KLF18: variants seen among roughly 807,000 people sequenced by gnomAD.
KLF18 encodes Kruppel-like factor 18.
rs1643234456 is a variant in KLF18, at chr1:44,140,983, G to A, written c.649C>T (p.Leu217=). Residue 217 remains leucine, a synonymous_variant, in exon 1 of 2, where the codon CTA becomes TTA. Coordinates refer to ENST00000634670, the MANE Select transcript of KLF18 (RefSeq NM_001358438.1). ...TLSGGQMTTS[L]DLYGGQMMTS... ...ATCATTTGCCCTCCATAGAGGTCTAGACTGGTTGTCATTTGGCCCCCAGAG... is the reference window on the plus strand; with the variant it reads ...ATCATTTGCCCTCCATAGAGGTCTAAACTGGTTGTCATTTGGCCCCCAGAG... 1 of 398,796 alleles carries A rather than the reference G, an allele frequency of 2.5e-6. No individual in the cohort carries two copies. Among genetic ancestry groups the A allele is most frequent in the Non-Finnish European group, 4.4e-6 (1 of 226,226 alleles). 24.7% of individuals were successfully genotyped at this position (398,796 alleles called of 1,614,324 possible). A position where few individuals can be genotyped will look rare whatever the true frequency, so the allele number is the denominator to read the frequency against.
chr1:44,140,284 T>C lies in KLF18; in HGVS notation c.1348A>G (p.Thr450Ala). The C allele has an allele frequency of 2.8e-6, 1 of 352,926 alleles. No homozygotes were observed. Among genetic ancestry groups the C allele is most frequent in the Non-Finnish European group, 4.9e-6 (1 of 202,596 alleles). 21.9% of individuals were successfully genotyped at this position (352,926 alleles called of 1,614,324 possible). Residue 450 changes from threonine (T) to alanine (A), a missense_variant, in exon 1 of 2, where the codon ACC becomes GCC. Physicochemically the swap from Thr to Ala is moderately conservative, Grantham distance 58. Coordinates refer to ENST00000634670, the MANE Select transcript of KLF18 (RefSeq NM_001358438.1). Reference sequence around the variant, plus strand: ...CAGAGGGTCTGGTTACTAGTGGAGGTCATCACTTGCTCTCCACAGAGGTTC... The same window carrying C: ...CAGAGGGTCTGGTTACTAGTGGAGGCCATCACTTGCTCTCCACAGAGGTTC... ...NQNLCGEQVM[T>A]STSNQTLCGE...
Position 44,140,531 on chromosome 1 carries a change from G to A in KLF18, c.1101C>T (p.Ser367=). ...QNLCGEQVMT[S]TGNQALCGGQ... ...CTCCACAGAGGGCTTGGTTACCAGTGGAGGTCATCACTTGCTCTCCACAGA... is the reference window on the plus strand; with the variant it reads ...CTCCACAGAGGGCTTGGTTACCAGTAGAGGTCATCACTTGCTCTCCACAGA... The change falls in exon 1 of 2, where the codon TCC becomes TCT. Residue 367 remains serine, a synonymous_variant. Coordinates refer to ENST00000634670, the MANE Select transcript of KLF18 (RefSeq NM_001358438.1). 1 of 337,652 alleles carries A rather than the reference G, an allele frequency of 3.0e-6. No homozygotes were observed. Among genetic ancestry groups the A allele is most frequent in the Non-Finnish European group, 5.0e-6 (1 of 200,698 alleles). The allele number at this position is 337,652 out of a possible 1,614,324, so 20.9% of individuals were successfully genotyped here.
rs1309574525 is a variant in KLF18, at chr1:44,140,018, G to A, written c.1614C>T (p.Asn538=). The stretch of plus-strand genomic sequence containing the variant: ...TCATCTGCTCTCCACAGAGGGTCTG[G>A]TTACTAGTAGAGGTTGTCATCTGCC... ...YGGQMTTSTS[N]QTLCGEQMTT... is the part of the protein sequence containing the mutation. Residue 538 remains asparagine, a synonymous_variant, in exon 1 of 2, where the codon AAC becomes AAT. Coordinates refer to ENST00000634670, the MANE Select transcript of KLF18 (RefSeq NM_001358438.1). The A allele has an allele frequency of 1.5e-5, 6 of 390,718 alleles. No homozygotes were observed. The highest frequency in any genetic ancestry group is 2.7e-5 in the Non-Finnish European group (6 of 222,524). The allele number at this position is 390,718 out of a possible 1,614,324, so 24.2% of individuals were successfully genotyped here. A position where few individuals can be genotyped will look rare whatever the true frequency, so the allele number is the denominator to read the frequency against.
At position 44,140,317 on chromosome 1, in the gene KLF18, C is replaced by T. The variant is rs77021000; in HGVS notation, c.1315G>A (p.Gly439Ser). The T allele has an allele frequency of 9.3e-5, 25 of 268,434 alleles. No homozygotes were observed. Among genetic ancestry groups the T allele is most frequent in the Middle Eastern group, 9.1e-4 (1 of 1,100 alleles). 16.6% of individuals were successfully genotyped at this position (268,434 alleles called of 1,614,324 possible). A position where few individuals can be genotyped will look rare whatever the true frequency, so the allele number is the denominator to read the frequency against. The change falls in exon 1 of 2, where the codon GGT becomes AGT. Residue 439 changes from glycine to serine, a missense_variant. By Grantham distance (56) the Gly-to-Ser change is moderately conservative (BLOSUM62 0). Coordinates refer to ENST00000634670, the MANE Select transcript of KLF18 (RefSeq NM_001358438.1). ...TGCTCTCCACAGAGGTTCTGGTTAC[C>T]AGTGGAGGTCGTCATCTGCCCTCCA... ...LCGGQMTTSTGNQNLCGEQVM... is the reference protein window; with the variant it reads ...LCGGQMTTSTSNQNLCGEQVM...
In KLF18 at chr1:44,140,760, C is replaced by T. The variant is rs943256304; in HGVS notation, c.872G>A (p.Gly291Glu). 2.5e-6 allele frequency: 1 copy of T among 398,692 alleles called. No homozygotes were observed. The highest frequency in any genetic ancestry group is 2.1e-5 in the African/African-American group (1 of 48,646). 24.7% of individuals were successfully genotyped at this position (398,692 alleles called of 1,614,324 possible). ...ACTAGTGGAGGTTGTCATCTGCTCT[C>T]CACAGAGGGTCTGGTTACTAGCGGA... is the stretch of plus-strand genomic sequence containing the variant. ...TTSASNQTLC[G>E]EQMTTSTSNQ... is the part of the protein sequence containing the mutation. Residue 291 changes from glycine to glutamate, a missense_variant, in exon 1 of 2, where the codon GGA becomes GAA. Coordinates refer to ENST00000634670, the MANE Select transcript of KLF18 (RefSeq NM_001358438.1).
chr1:44,139,774 T>G lies in KLF18; in HGVS notation c.1858A>C (p.Thr620Pro). The change falls in exon 1 of 2, where the codon ACT (threonine) becomes CCT (proline). Residue 620 changes from threonine (T) to proline (P), a missense_variant. Physicochemically the swap from Thr to Pro is conservative, Grantham distance 38. Transcript: ENST00000634670. ...ALYGGQMMTS[T>P]GNQALYGGQM... ...CCCCCGTAGAGGGCCTGGTTACCAG[T>G]GGAGGTCATCATCTGCCCCCCATAG... 1 of 391,062 alleles carries G rather than the reference T, an allele frequency of 2.6e-6. No homozygotes were observed. Among genetic ancestry groups the G allele is most frequent in the Non-Finnish European group, 4.5e-6 (1 of 222,820 alleles). 24.2% of individuals were successfully genotyped at this position (391,062 alleles called of 1,614,324 possible). A position where few individuals can be genotyped will look rare whatever the true frequency, so the allele number is the denominator to read the frequency against.
chr1:44,139,120 C>T lies in KLF18; in HGVS notation c.2512G>A (p.Glu838Lys), dbSNP rs530061137. The part of the protein sequence containing the change: ...TSTSNQTLCG[E>K]QVTTSTGNQA... ...TTACCAGTGGAGGTCGTCACCTGCT[C>T]CCCACAGAGGGTCTGGTTACTAGTG... The change falls in exon 1 of 2, where the codon GAG becomes AAG. Residue 838 changes from glutamate (E) to lysine (K), a missense_variant. Coordinates refer to ENST00000634670, the MANE Select transcript of KLF18 (RefSeq NM_001358438.1). The T allele has an allele frequency of 2.5e-6, 1 of 394,482 alleles. No homozygotes were observed. Among genetic ancestry groups the T allele is most frequent in the South Asian group, 1.3e-4 (1 of 7,634 alleles). The allele number at this position is 394,482 out of a possible 1,614,324, so 24.4% of individuals were successfully genotyped here. A position where few individuals can be genotyped will look rare whatever the true frequency, so the allele number is the denominator to read the frequency against.
chr1:44,139,507 G>A lies in KLF18; in HGVS notation c.2125C>T (p.Leu709Phe), dbSNP rs936360666. 5.2e-6 allele frequency: 2 copies of A among 388,242 alleles called. No individual in the cohort carries two copies. The highest frequency in any genetic ancestry group is 9.0e-6 in the Non-Finnish European group (2 of 221,270). The allele number at this position is 388,242 out of a possible 1,614,324, so 24.0% of individuals were successfully genotyped here. Residue 709 changes from leucine to phenylalanine, a missense_variant, in exon 1 of 2, where the codon CTC becomes TTC. Physicochemically the swap from Leu to Phe is conservative, Grantham distance 22. Transcript: ENST00000634670. ...GAGGTCGTCACCTGCTCCCCACAGA[G>A]GGTCTGGTTACTAGTGGAGGTCGTC... ...QTTTSTSNQT[L>F]CGEQVTTSTG...
rs1251221121 is a variant in KLF18, at chr1:44,138,907, C to T, written c.2725G>A (p.Asp909Asn). ...TATCCCCCATAAAGGCTGTGGTCATCAGTGAGCGTTGTCATATTGCCCACC... is the reference window on the plus strand; with the variant it reads ...TATCCCCCATAAAGGCTGTGGTCATTAGTGAGCGTTGTCATATTGCCCACC... The part of the protein sequence containing the change: ...LQVGNMTTLT[D>N]DHSLYGGYMM... Residue 909 changes from aspartate (D) to asparagine (N), a missense_variant, in exon 1 of 2, where the codon GAT becomes AAT. Physicochemically the swap from Asp to Asn is conservative, Grantham distance 23 (BLOSUM62 1). Transcript: ENST00000634670. 1.3e-5 allele frequency: 5 copies of T among 398,568 alleles called. No individual in the cohort carries two copies. The highest frequency in any genetic ancestry group is 1.8e-5 in the Non-Finnish European group (4 of 226,118). The allele number at this position is 398,568 out of a possible 1,614,324, so 24.7% of individuals were successfully genotyped here.
chr1:44,138,471 A>G (rs1643188871), intron 1 of KLF18, among the ~76,000 whole-genome samples, 193 bp downstream of exon 1: 1 of 140,050 alleles, frequency 7.1e-6, no homozygotes, highest in African/African-American at 2.5e-5. Context: ...GTCCAGGACT[A>G]GAGCCTGTCC....
Position 44,140,973 on chromosome 1 carries a change from T to C in KLF18, c.659A>G (p.Tyr220Cys), listed in dbSNP as rs539400489. The change falls in exon 1 of 2, where the codon TAT becomes TGT. Residue 220 changes from tyrosine to cysteine, a missense_variant. Physicochemically the swap from Tyr to Cys is radical, Grantham distance 194 (BLOSUM62 -2). Transcript: ENST00000634670. ...AATGGAAGTCATCATTTGCCCTCCATAGAGGTCTAGACTGGTTGTCATTTG... is the reference window on the plus strand; with the variant it reads ...AATGGAAGTCATCATTTGCCCTCCACAGAGGTCTAGACTGGTTGTCATTTG... ...GGQMTTSLDL[Y>C]GGQMMTSIDN... The C allele has an allele frequency of 1.8e-5, 7 of 398,700 alleles. No homozygotes were observed. The highest frequency in any genetic ancestry group is 1.2e-4 in the African/African-American group (6 of 48,722). The allele number at this position is 398,700 out of a possible 1,614,324, so 24.7% of individuals were successfully genotyped here.
chr1:44,138,926 G>A lies in KLF18; in HGVS notation c.2706C>T (p.Gly902=), dbSNP rs1643197213. 1 of 398,552 alleles carries A rather than the reference G, an allele frequency of 2.5e-6. No homozygotes were observed. Among genetic ancestry groups the A allele is most frequent in the South Asian group, 1.3e-4 (1 of 7,858 alleles). 24.7% of individuals were successfully genotyped at this position (398,552 alleles called of 1,614,324 possible). The part of the protein sequence containing the change: ...YGDQMLTLQV[G]NMTTLTDDHS... ...GGTCATCAGTGAGCGTTGTCATATT[G>A]CCCACCTGAAGAGTCAGCATCTGGT... Residue 902 remains glycine, a synonymous_variant, in exon 1 of 2, where the codon GGC becomes GGT. Coordinates refer to ENST00000634670, the MANE Select transcript of KLF18 (RefSeq NM_001358438.1).
chr1:44,138,109 G>A (rs541065711), intron 1 of KLF18, 98 bp from the exon 2 acceptor site: 32 of 397,732 alleles, frequency 8.0e-5, no homozygotes, highest in South Asian at 7.0e-4. Context: ...ACAAGTTGGA[G>A]TGGGAGAGGG....
rs991748710 is a variant in KLF18, at chr1:44,141,101, A to G, written c.531T>C (p.Asp177=). The change falls in exon 1 of 2, where the codon GAT becomes GAC. Residue 177 remains aspartate, a synonymous_variant. Transcript: ENST00000634670. ...CCTGGTCCCCACAGAGAGTCTGGTT[A>G]TCACTGAGGGTCTTCATCTGATCTC... The part of the protein sequence containing the change: ...LLGDQMKTLS[D]NQTLCGDQVT... 5.0e-6 allele frequency: 2 copies of G among 398,418 alleles called. No homozygotes were observed. Among genetic ancestry groups the G allele is most frequent in the Admixed American group, 4.4e-5 (1 of 22,700 alleles). 24.7% of individuals were successfully genotyped at this position (398,418 alleles called of 1,614,324 possible).
Position 44,140,600 on chromosome 1 carries a change from G to T in KLF18, c.1032C>A (p.Thr344=). The change falls in exon 1 of 2, where the codon ACC becomes ACA. Residue 344 remains threonine (T), a synonymous_variant. Coordinates refer to ENST00000634670, the MANE Select transcript of KLF18 (RefSeq NM_001358438.1). ...GQMMTSTGNQ[T]LYWGQMMTST... is the part of the protein sequence containing the mutation. ...AGGTCATCATCTGCCCCCAGTAGAG[G>T]GTCTGGTTACCAGTGGAGGTCATCA... The T allele has an allele frequency of 3.2e-6, 1 of 316,072 alleles. No individual in the cohort carries two copies. The highest frequency in any genetic ancestry group is 5.2e-6 in the Non-Finnish European group (1 of 190,658). The allele number at this position is 316,072 out of a possible 1,614,324, so 19.6% of individuals were successfully genotyped here. A position where few individuals can be genotyped will look rare whatever the true frequency, so the allele number is the denominator to read the frequency against.
Position 44,140,890 on chromosome 1 carries a change from A to G in KLF18, c.742T>C (p.Tyr248His), listed in dbSNP as rs1643233749. The change falls in exon 1 of 2, where the codon TAC becomes CAC. Residue 248 changes from tyrosine (Y) to histidine (H), a missense_variant. Physicochemically the swap from Tyr to His is moderately conservative, Grantham distance 83 (BLOSUM62 2). Transcript: ENST00000634670. ...GTGGAGGTCGTCATCTGTCTCCCGT[A>G]GAAGGCCTGGTTACCACTGGAGGTC... Reference protein sequence around the residue: ...MTTSSGNQAFYGRQMTTSTGN... With the variant: ...MTTSSGNQAFHGRQMTTSTGN... The G allele has an allele frequency of 2.6e-6, 1 of 382,894 alleles. No individual in the cohort carries two copies. The highest frequency in any genetic ancestry group is 5.0e-5 in the Admixed American group (1 of 20,050). 23.7% of individuals were successfully genotyped at this position (382,894 alleles called of 1,614,324 possible).
At position 44,138,964 on chromosome 1, in the gene KLF18, T is replaced by C. The variant is rs1643197459; in HGVS notation, c.2668A>G (p.Thr890Ala). Residue 890 changes from threonine to alanine, a missense_variant, in exon 1 of 2, where the codon ACC (threonine) becomes GCC (alanine). Transcript: ENST00000634670. ...GQMATYSGNQ[T>A]LYGDQMLTLQ... ...GTCAGCATCTGGTCCCCATAGAGGG[T>C]CTGGTTGCCACTATATGTTGCCATC... is the stretch of plus-strand genomic sequence containing the variant. 1 of 398,492 alleles carries C rather than the reference T, an allele frequency of 2.5e-6. No individual in the cohort carries two copies. Among genetic ancestry groups the C allele is most frequent in the Non-Finnish European group, 4.4e-6 (1 of 226,170 alleles). The allele number at this position is 398,492 out of a possible 1,614,324, so 24.7% of individuals were successfully genotyped here.
At position 44,139,809 on chromosome 1, in the gene KLF18, T is replaced by C. The variant is rs955110715; in HGVS notation, c.1823A>G (p.Asn608Ser). ...CGEQVTTSTGNQALYGGQMMT... is the reference protein window; with the variant it reads ...CGEQVTTSTGSQALYGGQMMT... ...CATCTGCCCCCCATAGAGGGCCTGG[T>C]TACCAGTGGAGGTCGTCACCTGCTC... The change falls in exon 1 of 2, where the codon AAC becomes AGC. Residue 608 changes from asparagine to serine, a missense_variant. Coordinates refer to ENST00000634670, the MANE Select transcript of KLF18 (RefSeq NM_001358438.1). The C allele has an allele frequency of 5.3e-6, 2 of 378,446 alleles. No homozygotes were observed. Among genetic ancestry groups the C allele is most frequent in the Admixed American group, 9.2e-5 (2 of 21,854 alleles). 23.4% of individuals were successfully genotyped at this position (378,446 alleles called of 1,614,324 possible).
rs146673638 is a variant in KLF18, at chr1:44,140,747, T to C, written c.885A>G (p.Thr295=). Residue 295 remains threonine (T), a synonymous_variant, in exon 1 of 2, where the codon ACA becomes ACG. Coordinates refer to ENST00000634670, the MANE Select transcript of KLF18 (RefSeq NM_001358438.1). ...AGAGGGTCTGGTTACTAGTGGAGGT[T>C]GTCATCTGCTCTCCACAGAGGGTCT... The part of the protein sequence containing the change: ...SNQTLCGEQM[T]TSTSNQTLCG... The C allele has an allele frequency of 0.026, 9,565 of 361,944 alleles. 749 individuals carry two copies. Among genetic ancestry groups the C allele is most frequent in the African/African-American group, 0.21 (8,508 of 41,326 alleles). 22.4% of individuals were successfully genotyped at this position (361,944 alleles called of 1,614,324 possible). A position where few individuals can be genotyped will look rare whatever the true frequency, so the allele number is the denominator to read the frequency against.
Sources: gnomAD v4.1 joint callset for allele counts (sites outside exome capture counted in the v4.1 genomes callset) on GRCh38, gnomAD v4.1.1 for gene constraint, MANE v1.5 for transcripts, NCBI Gene and HGNC (gene_info 2026-07-23, HGNC 2026-07-21) for gene names.